Variants in LINC00305 observed in about 807,000 individuals in gnomAD.
The protein encoded by LINC00305 is long independently transcribed non-coding RNA 305.
chr18:64,147,014 G>A (rs984567631), intron 1 of LINC00305, among the ~76,000 whole-genome samples: 4 of 152,006 alleles, frequency 2.6e-5, no homozygotes, highest in African/African-American at 7.3e-5. Flanking sequence ...CTTTCCCAAC[G>A]TTTTCTTCTT....
intron 1 of LINC00305, among the ~76,000 whole-genome samples, chr18:64,129,730 T>C: frequency 6.6e-6 from 1 of 152,148 alleles, no homozygotes; most frequent in Non-Finnish European, 1.5e-5. Flanking sequence ...CATTTTGCCT[T>C]ATGTGATATT....
intron 1 of LINC00305, among the ~76,000 whole-genome samples, chr18:64,125,038 GAC>G (rs1483897245): frequency 6.6e-6 from 1 of 151,970 alleles, no homozygotes; most frequent in Non-Finnish European, 1.5e-5. Flanking sequence ...CTAGTACTCT[GAC>G]ACTGCTCACA....
At position 64,143,616 on chromosome 18, in the gene LINC00305, A is replaced by ATG. The variant is rs2051478620; in HGVS notation, n.314+5158_314+5159insCA. On this transcript the variant is annotated intron_variant and non_coding_transcript_variant, in intron 1 of 3. Transcript: ENST00000666468. Reference sequence around the variant, plus strand: ...TACACATATGTATATGTACATATGTACACATATGTATGTACACGTATTATG... The same window carrying ATG: ...TACACATATGTATATGTACATATGTATGCACATATGTATGTACACGTATTATG... Among the ~76,000 whole-genome samples, 3 of 123,778 alleles carry ATG rather than the reference A, an allele frequency of 2.4e-5. 1 individual carries two copies. The highest frequency in any genetic ancestry group is 2.2e-4 in the East Asian group (1 of 4,606). 81.2% of individuals were successfully genotyped at this position (123,778 alleles called of 152,430 possible). A position where few individuals can be genotyped will look rare whatever the true frequency, so the allele number is the denominator to read the frequency against.
chr18:64,128,326 A>G (rs1337033645), intron 1 of LINC00305, among the ~76,000 whole-genome samples: 1 of 151,954 alleles, frequency 6.6e-6, no homozygotes, highest in Non-Finnish European at 1.5e-5. Flanking sequence ...AAAGATATAA[A>G]TTCTTAGTCT....
At chr18:64,098,641 C>T (rs2051256466) in intron 1 of LINC00305, 1 of 425,544 alleles carries the variant, frequency 2.3e-6, no homozygotes, top group Admixed American at 2.8e-5. Context: ...AATTTCCATC[C>T]TGCAAGTGAA....
intron 1 of LINC00305, among the ~76,000 whole-genome samples, chr18:64,143,577 T>TGTAC (rs2051477213): frequency 1.0e-4 from 1 of 9,650 alleles, no homozygotes; most frequent in African/African-American, 2.8e-4. Context: ...TACACATATG[T>TGTAC]ATATGTACAT....
chr18:64,091,867 GA>G (rs1160877941), intron 3 of LINC00305, among the ~76,000 whole-genome samples: 1 of 152,050 alleles, frequency 6.6e-6, no homozygotes, highest in East Asian at 1.9e-4. Context: ...CAGTTTTCCA[GA>G]AAAAAAGCTT....
chr18:64,144,059 C>T lies in LINC00305; in HGVS notation n.314+4716G>A, dbSNP rs2590392. 8.7e-3 allele frequency among the ~76,000 whole-genome samples: 1,325 copies of T among 152,276 alleles called. 7 individuals are homozygous for T. Among genetic ancestry groups the T allele is most frequent in the Non-Finnish European group, 0.015 (1,030 of 68,016 alleles). ...CTAATTATAGAAGGAAGATTTGCCT[C>T]TTTATCAAATTCTTTTTATGCCCTG... On this transcript the variant is annotated intron_variant and non_coding_transcript_variant, in intron 1 of 3. Transcript: ENST00000666468.
intron 1 of LINC00305, among the ~76,000 whole-genome samples, chr18:64,102,224 T>C (rs1035291825): frequency 6.6e-6 from 1 of 152,206 alleles, no homozygotes; most frequent in African/African-American, 2.4e-5. Flanking sequence ...GTCTGTCAGT[T>C]ATTCTCCCTT....
chr18:64,106,925 A>T (rs2051293342), intron 1 of LINC00305, among the ~76,000 whole-genome samples: 1 of 152,198 alleles, frequency 6.6e-6, no homozygotes, highest in South Asian at 2.1e-4. Context: ...GGAGGATGAT[A>T]CATGAAGAAA....
chr18:64,123,659 C>T (rs372649353), intron 1 of LINC00305, among the ~76,000 whole-genome samples: 5 of 151,772 alleles, frequency 3.3e-5, no homozygotes, highest in South Asian at 2.1e-4. Flanking sequence ...CATTTCTATA[C>T]GTTAATGCAT....
chr18:64,134,579 T>C (rs1009266806), intron 1 of LINC00305, among the ~76,000 whole-genome samples: 2 of 152,224 alleles, frequency 1.3e-5, no homozygotes, highest in African/African-American at 2.4e-5. Context: ...GACTCATCAT[T>C]ATTTATCTAA....
chr18:64,096,593 G>A (rs1416559527), intron 3 of LINC00305, among the ~76,000 whole-genome samples: 2 of 151,834 alleles, frequency 1.3e-5, no homozygotes, highest in Non-Finnish European at 2.9e-5. Context: ...TCAGGAAAAT[G>A]TAATGCTATT....
intron 1 of LINC00305, among the ~76,000 whole-genome samples, chr18:64,099,136 A>T (rs986827050): frequency 6.6e-6 from 1 of 152,230 alleles, no homozygotes; most frequent in East Asian, 1.9e-4. Context: ...AGAGGTGCAA[A>T]TATTGTAATT....
intron 1 of LINC00305, among the ~76,000 whole-genome samples, chr18:64,121,394 C>T (rs1378218811): frequency 6.6e-6 from 1 of 151,968 alleles, no homozygotes; most frequent in African/African-American, 2.4e-5. Flanking sequence ...ACACTCTACA[C>T]CTTTGTGTAC....
chr18:64,113,476 G>T (rs2051324060), intron 1 of LINC00305, among the ~76,000 whole-genome samples: 1 of 152,068 alleles, frequency 6.6e-6, no homozygotes, highest in Non-Finnish European at 1.5e-5. Flanking sequence ...CCAAGTTCCT[G>T]CCCCCTGCAC....
chr18:64,082,114 A>G (rs2051187293), intron 3 of LINC00305, among the ~76,000 whole-genome samples: 1 of 152,226 alleles, frequency 6.6e-6, no homozygotes, highest in Admixed American at 6.5e-5. Context: ...ATTATGGTTT[A>G]GGAGTCATAC....
At chr18:64,103,008 G>A (rs186352093) in intron 1 of LINC00305, among the ~76,000 whole-genome samples, 40 of 152,278 alleles carry the variant, frequency 2.6e-4, no homozygotes, top group Non-Finnish European at 4.3e-4. Context: ...CAGGCAGGAC[G>A]AGCATGCTCT....
intron 1 of LINC00305, among the ~76,000 whole-genome samples, chr18:64,147,013 C>T (rs930358517): frequency 3.3e-5 from 5 of 152,122 alleles, no homozygotes; most frequent in African/African-American, 1.2e-4. Context: ...ACTTTCCCAA[C>T]GTTTTCTTCT....
Sources: allele counts gnomAD v4.1 joint callset (sites outside exome capture counted in the v4.1 genomes callset), GRCh38; gene constraint gnomAD v4.1.1; transcripts MANE v1.5; gene names NCBI Gene and HGNC (gene_info 2026-07-23, HGNC 2026-07-21).